NAALAD2: variants seen among roughly 807,000 people sequenced by gnomAD.
The protein encoded by NAALAD2 is N-acetylated-alpha-linked acidic dipeptidase 2.
Under a neutral mutation model 95.6 loss-of-function variants are expected in NAALAD2, and 89 were observed. That is an observed-to-expected ratio of 0.93 (90% CI 0.78 to 1.11). The LOEUF (loss-of-function observed/expected upper bound fraction) is 1.11, where lower values mean the gene tolerates loss of function less well. Among genes scored for constraint, NAALAD2 ranks in the 50% least tolerant of loss-of-function variants. The pLI is 0.00. For synonymous variants in NAALAD2, 264 were observed against 294.4 expected (o/e 0.90, Z 1.06); for missense variants, 894 against 872.4 (o/e 1.02, Z -0.31).
intron 8 of NAALAD2, among the ~76,000 whole-genome samples, chr11:90,159,679 T>C (rs10830426): frequency 0.45 from 68,690 of 151,868 alleles, 16,596 homozygotes; most frequent in African/African-American, 0.62. Flanking sequence ...GTGCTGGGTG[T>C]GGTGGCTCAC....
chr11:90,185,708 C>A (rs947287810), intron 18 of NAALAD2, among the ~76,000 whole-genome samples: 61 of 152,068 alleles, frequency 4.0e-4, no homozygotes, highest in African/African-American at 1.4e-3. Context: ...AAAATATCTA[C>A]CTCTTACTGA....
chr11:90,165,635 C>T (rs11018889), intron 11 of NAALAD2, among the ~76,000 whole-genome samples: 11,674 of 152,238 alleles, frequency 0.077, 600 homozygotes, highest in South Asian at 0.2. Context: ...ATTACATTTA[C>T]ACTGCGAATT....
In NAALAD2 at chr11:90,140,450, CTT is replaced by C. The variant is rs35964333; in HGVS notation, c.194+4789_194+4790del. 4.9e-3 allele frequency among the ~76,000 whole-genome samples: 728 copies of C among 148,550 alleles called. 8 individuals are homozygous for C. Among genetic ancestry groups the C allele is most frequent in the African/African-American group, 0.017 (679 of 40,776 alleles). On this transcript the variant is annotated intron_variant, in intron 2 of 18. Transcript: ENST00000534061. ...TTCATGCATTCGTGACAAACCTCTT[CTT>C]TTTTTTTTAATATTTCTAGGCTATG... is the stretch of plus-strand genomic sequence containing the variant.
intron 8 of NAALAD2, 39 bp downstream of exon 8, chr11:90,159,376 T>C (rs371435677): frequency 1.1e-5 from 16 of 1,423,072 alleles, no homozygotes; most frequent in Non-Finnish European, 1.5e-5. Context: ...AAAAGTTTTA[T>C]ATTTTTAATG....
chr11:90,137,852 A>G (rs1177002487), intron 2 of NAALAD2, among the ~76,000 whole-genome samples: 1 of 151,946 alleles, frequency 6.6e-6, no homozygotes, highest in Admixed American at 6.6e-5. Flanking sequence ...TATTTTGCCC[A>G]GGCTGGTCTC....
In NAALAD2 at chr11:90,150,442, T is replaced by C. The variant is rs757086388; in HGVS notation, c.484-40T>C. On this transcript the variant is annotated intron_variant, in intron 4 of 18. Coordinates refer to ENST00000534061, the MANE Select transcript of NAALAD2 (RefSeq NM_005467.4). ...CTTATTTTTTGTTTTTTTTTTTCTT[T>C]AATTTTAGCAGTATTATATATATTT... 1.7e-5 allele frequency: 23 copies of C among 1,328,360 alleles called. No individual in the cohort carries two copies. The Admixed American group carries it at 2.3e-4, about 13-fold the overall frequency. The allele number at this position is 1,328,360 out of a possible 1,614,324, so 82.3% of individuals were successfully genotyped here.
chr11:90,168,154 C>A (rs1227441310), intron 11 of NAALAD2, among the ~76,000 whole-genome samples: 4 of 152,022 alleles, frequency 2.6e-5, no homozygotes, highest in African/African-American at 9.7e-5. Context: ...CCAGATGGGC[C>A]GCCTTAAGAG....
chr11:90,136,370 A>C (rs1033695509), intron 2 of NAALAD2, among the ~76,000 whole-genome samples: 1 of 152,186 alleles, frequency 6.6e-6, no homozygotes, highest in Non-Finnish European at 1.5e-5. Flanking sequence ...GACGTATGCT[A>C]TGCTGAACAA....
chr11:90,185,208 TACAC>T (rs1318653003), intron 18 of NAALAD2, among the ~76,000 whole-genome samples: 1 of 151,698 alleles, frequency 6.6e-6, no homozygotes, highest in Admixed American at 6.6e-5. Flanking sequence ...CATAAAAGTG[TACAC>T]ACACAATATA....
At chr11:90,185,039 A>G (rs921218985) in intron 18 of NAALAD2, among the ~76,000 whole-genome samples, 1 of 152,126 alleles carries the variant, frequency 6.6e-6, no homozygotes, top group Non-Finnish European at 1.5e-5. Flanking sequence ...GCAAATAGTA[A>G]GCCATTTTAT....
chr11:90,163,694 A>G, intron 11 of NAALAD2, 77 bp downstream of exon 11: 4 of 1,270,400 alleles, frequency 3.1e-6, no homozygotes, highest in Non-Finnish European at 4.6e-6. Context: ...AGGATGATCA[A>G]AAATATATTC....
At chr11:90,181,525 C>CT in intron 16 of NAALAD2, 95 bp from the exon 17 acceptor site, 1 of 785,516 alleles carries the variant, frequency 1.3e-6, no homozygotes, top group Non-Finnish European at 2.2e-6. Context: ...GCTTCGACAT[C>CT]TATGTGGTCA....
rs774286303 is a variant in NAALAD2, at chr11:90,178,082, A to T, written c.1823A>T (p.His608Leu). The change falls in exon 16 of 19, where the codon CAT becomes CTT. Residue 608 changes from histidine to leucine, a missense_variant. Transcript: ENST00000534061. ...AGTATCTATAATCTATCTAAGAAAC[A>T]TGATCAACAATTGACAGACCATGGA... The part of the protein sequence containing the change: ...AASIYNLSKK[H>L]DQQLTDHGVS... The T allele has an allele frequency of 1.9e-6, 3 of 1,613,110 alleles. No homozygotes were observed. The highest frequency in any genetic ancestry group is 1.7e-6 in the Non-Finnish European group (2 of 1,179,742).
chr11:90,185,028 T>G (rs1022824858), intron 18 of NAALAD2, among the ~76,000 whole-genome samples: 24 of 152,256 alleles, frequency 1.6e-4, no homozygotes, highest in African/African-American at 5.8e-4. Flanking sequence ...ATATGTCATA[T>G]GCAAATAGTA....
At chr11:90,172,300 G>A (rs1952665649) in intron 13 of NAALAD2, among the ~76,000 whole-genome samples, 1 of 152,132 alleles carries the variant, frequency 6.6e-6, no homozygotes, top group African/African-American at 2.4e-5. Flanking sequence ...GACCCTCTAT[G>A]CAGTCATAAA....
chr11:90,163,232 GTTTAT>G, intron 9 of NAALAD2, 73 bp from the exon 10 acceptor site: 2 of 1,464,042 alleles, frequency 1.4e-6, no homozygotes, highest in Non-Finnish European at 9.3e-7. Context: ...GCAAGAGGAT[GTTTAT>G]TTTAAAAACA....
chr11:90,183,092 G>A (rs1591027415), intron 18 of NAALAD2, 84 bp downstream of exon 18: 2 of 905,604 alleles, frequency 2.2e-6, no homozygotes, highest in East Asian at 4.9e-5. Flanking sequence ...GCCATTAGAT[G>A]GGTGAAAGGC....
chr11:90,158,497 G>A (rs1006472576), intron 7 of NAALAD2: 3 of 311,824 alleles, frequency 9.6e-6, no homozygotes, highest in East Asian at 7.8e-5. Flanking sequence ...AGATAATTCT[G>A]ATTTGAGATT....
chr11:90,192,302 G>T lies in NAALAD2; in HGVS notation c.*555G>T, dbSNP rs1189840067. ...CTTACTACTCAGCAATAAAAATGAA[G>T]TAACTTTCAATAAATGCAATATTAT... On this transcript the variant is annotated 3_prime_UTR_variant, in exon 19 of 19. Coordinates refer to ENST00000534061, the MANE Select transcript of NAALAD2 (RefSeq NM_005467.4). 6.6e-6 allele frequency: 1 copy of T among 151,912 alleles called. No individual in the cohort carries two copies. The highest frequency in any genetic ancestry group is 1.5e-5 in the Non-Finnish European group (1 of 67,898). The allele number at this position is 151,912 out of a possible 1,614,324, so 9.4% of individuals were successfully genotyped here.
Sources: allele counts gnomAD v4.1 joint callset (sites outside exome capture counted in the v4.1 genomes callset), GRCh38; gene constraint gnomAD v4.1.1; transcripts MANE v1.5; gene names NCBI Gene and HGNC (gene_info 2026-07-23, HGNC 2026-07-21).